The following ZNF521 variants were observed in gnomAD, a reference collection of about 807,000 sequenced individuals.
ZNF521 encodes LYST-interacting protein 3.
ZNF521 carries 14 observed loss-of-function variants against 105.5 expected under a neutral mutation model. That is an observed-to-expected ratio of 0.13 (90% CI 0.09 to 0.21). The LOEUF (loss-of-function observed/expected upper bound fraction) is 0.21. ZNF521 is among the 10% of genes least tolerant of loss of function. The pLI is 1.00. For synonymous variants in ZNF521, 635 were observed against 606.0 expected, an observed-to-expected ratio of 1.05 and a Z score of -0.70; for missense variants, 1,233 against 1,629.7, an observed-to-expected ratio of 0.76 and a Z score of 4.19.
At chr18:25,295,872 C>T (rs1320501454) in intron 3 of ZNF521, among the ~76,000 whole-genome samples, 1 of 152,116 alleles carries the variant, frequency 6.6e-6, no homozygotes, top group Non-Finnish European at 1.5e-5. Flanking sequence ...TGTATAATGC[C>T]AAACCATTTT....
intron 5 of ZNF521, among the ~76,000 whole-genome samples, chr18:25,136,999 A>G (rs1224093156): frequency 6.6e-6 from 1 of 152,150 alleles, no homozygotes; most frequent in African/African-American, 2.4e-5. Context: ...ACCTCCCAAA[A>G]GGATCCTCCT....
chr18:25,241,809 T>C (rs1033015956), intron 3 of ZNF521, among the ~76,000 whole-genome samples: 2 of 152,328 alleles, frequency 1.3e-5, no homozygotes, highest in East Asian at 3.9e-4. Context: ...TTGTAAGTAT[T>C]CAGGCCAATC....
intron 6 of ZNF521, among the ~76,000 whole-genome samples, chr18:25,089,952 T>C (rs572160199): frequency 6.6e-6 from 1 of 152,218 alleles, no homozygotes; most frequent in East Asian, 1.9e-4. Context: ...ACCCTGTTTA[T>C]TGTGTTTGCC....
intron 3 of ZNF521, among the ~76,000 whole-genome samples, chr18:25,232,395 A>G (rs1464720453): frequency 2.0e-5 from 3 of 152,220 alleles, no homozygotes; most frequent in African/African-American, 7.2e-5. Context: ...TATGTGTTGC[A>G]TGTATTTCTG....
chr18:25,082,634 G>C (rs1301558483), intron 7 of ZNF521: 1 of 427,168 alleles, frequency 2.3e-6, no homozygotes, highest in Non-Finnish European at 4.6e-6. Context: ...TCAGGGGTTT[G>C]AGACCAGCCT....
intron 3 of ZNF521, among the ~76,000 whole-genome samples, chr18:25,249,987 G>A (rs1010930403): frequency 6.6e-6 from 1 of 152,122 alleles, no homozygotes; most frequent in African/African-American, 2.4e-5. Flanking sequence ...CGCCCTGGCT[G>A]GAGTGCTGTG....
chr18:25,210,519 G>C (rs188974359), intron 4 of ZNF521, among the ~76,000 whole-genome samples: 203 of 152,288 alleles, frequency 1.3e-3, no homozygotes, highest in Non-Finnish European at 2.1e-3. Context: ...GACTTCGCCT[G>C]CCACTCAATC....
intron 4 of ZNF521, chr18:25,224,123 G>A (rs1381535645): frequency 1.8e-6 from 1 of 545,338 alleles, no homozygotes; most frequent in East Asian, 3.0e-5. Context: ...ATCCTAGGGA[G>A]ACTGGAATTA....
At chr18:25,206,388 T>C (rs553793569) in intron 4 of ZNF521, among the ~76,000 whole-genome samples, 1 of 152,316 alleles carries the variant, frequency 6.6e-6, no homozygotes, top group African/African-American at 2.4e-5. Flanking sequence ...ACCTGTTCAC[T>C]GTGCAATAAA....
At chr18:25,259,732 G>A (rs757841171) in intron 3 of ZNF521, among the ~76,000 whole-genome samples, 2 of 152,180 alleles carry the variant, frequency 1.3e-5, no homozygotes, top group Admixed American at 1.3e-4. Context: ...ACTTTATGGA[G>A]CTTACAGGAT....
intron 7 of ZNF521, among the ~76,000 whole-genome samples, chr18:25,074,062 G>GCGTGTGTGCA (rs1555631266): frequency 6.6e-6 from 1 of 151,698 alleles, no homozygotes; most frequent in African/African-American, 2.4e-5. Flanking sequence ...ACATGTGTGC[G>GCGTGTGTGCA]CACGCGTGTG....
chr18:25,109,799 TG>T (rs2144292867), intron 5 of ZNF521, among the ~76,000 whole-genome samples: 1 of 152,324 alleles, frequency 6.6e-6, no homozygotes, highest in East Asian at 1.9e-4. Flanking sequence ...TGGAATTGTT[TG>T]TTTTTTTCTT....
rs142171257 is a variant in ZNF521 at position 25,072,379 on chromosome 18, T to A, written c.3907-9638A>T. 2.0e-4 allele frequency among the ~76,000 whole-genome samples: 30 copies of A among 152,296 alleles called. 1 individual carries two copies. In the East Asian group the frequency reaches 5.8e-3, roughly 29 times the overall value. On this transcript the variant is annotated intron_variant, in intron 7 of 7. Coordinates refer to ENST00000361524, the MANE Select transcript of ZNF521 (RefSeq NM_015461.3). Reference sequence around the variant, plus strand: ...ACGTCATACGTGGGAAATGTTAACATCGTGACAATCCCATTTTCCATTAAG... The same window carrying A: ...ACGTCATACGTGGGAAATGTTAACAACGTGACAATCCCATTTTCCATTAAG...
intron 2 of ZNF521, among the ~76,000 whole-genome samples, chr18:25,328,057 T>A (rs887833820): frequency 4.6e-5 from 7 of 152,216 alleles, no homozygotes; most frequent in Admixed American, 3.9e-4. Context: ...CTTTCTGCAA[T>A]GTTTATTTTC....
chr18:25,089,272 T>C (rs186970326), intron 7 of ZNF521, among the ~76,000 whole-genome samples, 193 bp downstream of exon 7: 70 of 152,336 alleles, frequency 4.6e-4, no homozygotes, highest in Admixed American at 4.0e-3. Context: ...CTTTTTATGA[T>C]TGACAGCAGC....
intron 3 of ZNF521, among the ~76,000 whole-genome samples, chr18:25,233,657 C>G (rs925848340): frequency 6.9e-6 from 1 of 143,906 alleles, no homozygotes; most frequent in Non-Finnish European, 1.5e-5. Flanking sequence ...AGCTCAAGCT[C>G]AGAGGTTTTT....
intron 3 of ZNF521, among the ~76,000 whole-genome samples, chr18:25,259,507 A>T (rs895580444): frequency 2.0e-5 from 3 of 152,166 alleles, no homozygotes; most frequent in Non-Finnish European, 4.4e-5. Context: ...GTAGTTGGAG[A>T]GGGCACCACG....
intron 5 of ZNF521, among the ~76,000 whole-genome samples, chr18:25,129,758 G>C (rs1011827016): frequency 1.1e-4 from 16 of 152,002 alleles, no homozygotes; most frequent in Non-Finnish European, 2.2e-4. Context: ...TGTGTCATTA[G>C]TGAATTGTGA....
chr18:25,066,038 G>A (rs1004445500), intron 7 of ZNF521, among the ~76,000 whole-genome samples: 33 of 152,220 alleles, frequency 2.2e-4, no homozygotes, highest in Non-Finnish European at 3.5e-4. Context: ...GCAACCCAAT[G>A]TAAGTAATAT....
Sources: gnomAD v4.1 joint callset for allele counts (sites outside exome capture counted in the v4.1 genomes callset) on GRCh38, gnomAD v4.1.1 for gene constraint, MANE v1.5 for transcripts, NCBI Gene and HGNC (gene_info 2026-07-23, HGNC 2026-07-21) for gene names.